The following DSCAML1 variants were observed in gnomAD, a reference collection of about 807,000 sequenced individuals.
DSCAML1 encodes DS cell adhesion molecule like 1, also known as cell adhesion molecule DSCAML1.
DSCAML1 carries 38 observed loss-of-function variants against 200.5 expected under a neutral mutation model. The ratio of observed to expected loss-of-function variants is 0.19; its 90% CI spans 0.15 to 0.25. The LOEUF (loss-of-function observed/expected upper bound fraction) is 0.25. DSCAML1 is among the 10% of genes least tolerant of loss of function. The pLI, the probability that DSCAML1 is intolerant of heterozygous loss-of-function variation, is 1.00. For synonymous variants in DSCAML1, 1,215 were observed against 1,165.0 expected (o/e 1.04, Z -0.87); for missense variants, 2,223 against 2,858.8 (o/e 0.78, Z 5.07).
intron 3 of DSCAML1, among the ~76,000 whole-genome samples, chr11:117,602,963 G>C (rs1163475298): frequency 4.6e-5 from 7 of 152,176 alleles, no homozygotes; most frequent in Admixed American, 4.6e-4. Context: ...AGGTGTGGTG[G>C]CGTGAACCTG....
At position 117,637,605 on chromosome 11, in the gene DSCAML1, A is replaced by G. The variant is rs553499370; in HGVS notation, c.512-105083T>C. Among the ~76,000 whole-genome samples the G allele has an allele frequency of 1.3e-4, 20 of 152,294 alleles. 1 individual carries two copies. The highest frequency in any genetic ancestry group is 1.2e-3 in the Admixed American group (18 of 15,306). The stretch of plus-strand genomic sequence containing the variant: ...GGTGATCCGCCCATCTCGGCCTCCC[A>G]AAGTGGTGGGATTACAGGCATGAGC... On this transcript the variant is annotated intron_variant, in intron 3 of 32. Coordinates refer to ENST00000651296, the MANE Select transcript of DSCAML1 (RefSeq NM_020693.4).
intron 3 of DSCAML1, among the ~76,000 whole-genome samples, chr11:117,637,053 A>T (rs12290141): frequency 0.027 from 4,058 of 152,138 alleles, 172 homozygotes; most frequent in African/African-American, 0.089. Flanking sequence ...GCCTTTGCAC[A>T]TGCTGTTCCC....
intron 3 of DSCAML1, among the ~76,000 whole-genome samples, chr11:117,610,323 C>T (rs1229992824): frequency 6.6e-6 from 1 of 152,194 alleles, no homozygotes; most frequent in Non-Finnish European, 1.5e-5. Context: ...TCCAAAACTA[C>T]CCCCACTGCC....
At chr11:117,635,537 CA>C (rs1482109414) in intron 3 of DSCAML1, among the ~76,000 whole-genome samples, 5 of 149,562 alleles carry the variant, frequency 3.3e-5, no homozygotes, top group Non-Finnish European at 5.9e-5. Flanking sequence ...CAGCAGGGGT[CA>C]GGGGAAGGAG....
rs543831645 is a variant in DSCAML1 at position 117,492,728 on chromosome 11, CG to C, written c.2360-10567del. ...TTGGCGCGCCGGGTGGTCGGCGGGGCGGGTGGGAGCAGCGCTTCACTCAGCC... is the reference window on the plus strand; with the variant it reads ...TTGGCGCGCCGGGTGGTCGGCGGGGCGGTGGGAGCAGCGCTTCACTCAGCC... On this transcript the variant is annotated intron_variant, in intron 11 of 32. Transcript: ENST00000651296. 3.9e-5 allele frequency among the ~76,000 whole-genome samples: 6 copies of C among 152,268 alleles called. No homozygotes were observed. The South Asian group carries it at 1.2e-3, about 32-fold the overall frequency.
intron 3 of DSCAML1, among the ~76,000 whole-genome samples, chr11:117,752,258 G>C (rs1449295848): frequency 1.3e-5 from 2 of 152,246 alleles, no homozygotes; most frequent in Non-Finnish European, 2.9e-5. Flanking sequence ...AGCCATAGCT[G>C]AACAAGGAGG....
intron 27 of DSCAML1, among the ~76,000 whole-genome samples, chr11:117,434,722 C>T (rs1409026501): frequency 1.3e-5 from 2 of 152,106 alleles, no homozygotes; most frequent in Non-Finnish European, 2.9e-5. Flanking sequence ...ACCATTTATT[C>T]AGTGATCCAT....
intron 3 of DSCAML1, among the ~76,000 whole-genome samples, chr11:117,552,272 C>T (rs1481526533): frequency 1.3e-5 from 2 of 152,010 alleles, no homozygotes; most frequent in Non-Finnish European, 2.9e-5. Flanking sequence ...AAGCAGGTGC[C>T]TTGACTCTCC....
At chr11:117,431,777 G>C in intron 30 of DSCAML1, 49 bp from the exon 31 acceptor site, 1 of 1,488,754 alleles carries the variant, frequency 6.7e-7, no homozygotes, top group Non-Finnish European at 9.0e-7. Context: ...AAGGCACCCA[G>C]GCTTGGGCAG....
In DSCAML1 at chr11:117,464,829, A is replaced by G. The variant is rs917676945; in HGVS notation, c.3265+113T>C. The G allele has an allele frequency of 1.7e-5, 25 of 1,509,282 alleles. No individual in the cohort carries two copies. The East Asian group carries it at 5.3e-4, about 32-fold the overall frequency. 93.5% of individuals were successfully genotyped at this position (1,509,282 alleles called of 1,614,324 possible). ...GATGCAGGGAGCCTGCGTGGACCAC[A>G]GGACCAAAATGGGGCCCAGGGGCAA... On this transcript the variant is annotated intron_variant, in intron 17 of 32. Transcript: ENST00000651296.
At chr11:117,742,047 C>T (rs2137842592) in intron 3 of DSCAML1, among the ~76,000 whole-genome samples, 1 of 152,342 alleles carries the variant, frequency 6.6e-6, no homozygotes, top group South Asian at 2.1e-4. Flanking sequence ...AGCTCCAACA[C>T]CTGACCTTGG....
chr11:117,578,880 T>G (rs939611693), intron 3 of DSCAML1, among the ~76,000 whole-genome samples: 1 of 152,156 alleles, frequency 6.6e-6, no homozygotes, highest in African/African-American at 2.4e-5. Context: ...AAAGTGATCA[T>G]GTTCAGCACA....
Position 117,521,121 on chromosome 11 carries a change from C to T in DSCAML1, c.1213+9G>A. 1 of 1,607,900 alleles carries T rather than the reference C, an allele frequency of 6.2e-7. No homozygotes were observed. The highest frequency in any genetic ancestry group is 8.5e-7 in the Non-Finnish European group (1 of 1,175,122). On this transcript the variant is annotated intron_variant, in intron 6 of 32. Transcript: ENST00000651296. ...AACCCGCCCCCTGTGTCCTGGCGCC[C>T]CAGCTCACCCTCAAGTGCAATGATG...
chr11:117,497,576 C>T (rs1394993433), intron 11 of DSCAML1, among the ~76,000 whole-genome samples: 2 of 151,968 alleles, frequency 1.3e-5, no homozygotes, highest in Admixed American at 1.3e-4. Flanking sequence ...GCCGGATGAT[C>T]ATTGCCATGG....
At chr11:117,803,052 T>G (rs1489492866) in intron 1 of DSCAML1, among the ~76,000 whole-genome samples, 1 of 149,150 alleles carries the variant, frequency 6.7e-6, no homozygotes, top group Admixed American at 6.6e-5. Flanking sequence ...TCGGTGGGTC[T>G]GGTGAACATT....
In DSCAML1 at chr11:117,516,827, C is replaced by T; in HGVS notation, c.1511-88G>A. ...CAGCCAGGCACCACCCTGCGGTGCT[C>T]TTCTCAGGCACTCGGCCCCTGAGAC... On this transcript the variant is annotated intron_variant, in intron 7 of 32. Transcript: ENST00000651296. This position sits in a 1 kb window ranked among gnomAD's most constrained non-coding sequence, Gnocchi z 5.7. The T allele has an allele frequency of 6.7e-7, 1 of 1,482,204 alleles. No homozygotes were observed. The highest frequency in any genetic ancestry group is 2.1e-5 in the Admixed American group (1 of 48,266). 91.8% of individuals were successfully genotyped at this position (1,482,204 alleles called of 1,614,324 possible).
intron 20 of DSCAML1, among the ~76,000 whole-genome samples, chr11:117,445,914 TGGATCAAAGG>T (rs1384046343): frequency 6.6e-6 from 1 of 152,248 alleles, no homozygotes; most frequent in East Asian, 1.9e-4. Context: ...AAAGTTCCAG[TGGATCAAAGG>T]TTTTTGAAAA....
In DSCAML1 at chr11:117,613,257, C is replaced by T. The variant is rs191026143; in HGVS notation, c.512-80735G>A. Among the ~76,000 whole-genome samples, 118 of 151,952 alleles carry T rather than the reference C, an allele frequency of 7.8e-4. 1 individual carries two copies. In the East Asian group the frequency reaches 0.018, roughly 23 times the overall value. On this transcript the variant is annotated intron_variant, in intron 3 of 32. Transcript: ENST00000651296. ...GCAGGACTGCTGATGTTGCTGGGGA[C>T]GCACACCAGGCACCCCAGAAAAAGA...
chr11:117,442,518 G>C (rs903105887), intron 21 of DSCAML1, among the ~76,000 whole-genome samples: 2 of 152,188 alleles, frequency 1.3e-5, no homozygotes, highest in South Asian at 4.1e-4. Flanking sequence ...GTGTGTGTGC[G>C]TGTGTGTGTA....
Sources: gnomAD v4.1 joint callset for allele counts (sites outside exome capture counted in the v4.1 genomes callset) on GRCh38, gnomAD v4.1.1 for gene constraint, Gnocchi (gnomAD v3.1) non-coding constraint, MANE v1.5 for transcripts, NCBI Gene and HGNC (gene_info 2026-07-23, HGNC 2026-07-21) for gene names.